Variants in PCDHGA5 observed in about 807,000 individuals in gnomAD.
PCDHGA5 encodes protocadherin gamma subfamily A, 5, also known as protocadherin gamma-A5.
PCDHGA5 carries 36 observed loss-of-function variants against 56.7 expected under a neutral mutation model. The observed-to-expected ratio is 0.64, with a 90% CI of 0.49 to 0.84. PCDHGA5 has a LOEUF of 0.84. Ranked by LOEUF, PCDHGA5 falls within the 40% of genes least tolerant of loss-of-function variation. The pLI is 0.00. For synonymous variants in PCDHGA5, 563 were observed against 520.2 expected (o/e 1.08, Z -1.12); for missense variants, 1,305 against 1,201.5 (o/e 1.09, Z -1.27).
chr5:141,507,504 C>T (rs1443873775), intron 3 of PCDHGA5, among the ~76,000 whole-genome samples: 1 of 152,138 alleles, frequency 6.6e-6, no homozygotes, highest in Admixed American at 6.5e-5. Flanking sequence ...TGTCCCAGGT[C>T]TGGTGGGGCT....
At chr5:141,464,680 A>G (rs747974832) in intron 1 of PCDHGA5, among the ~76,000 whole-genome samples, 3 of 152,144 alleles carry the variant, frequency 2.0e-5, no homozygotes, top group Non-Finnish European at 4.4e-5. Flanking sequence ...TTTTAATTAA[A>G]ATTTCTCTTA....
chr5:141,370,889 T>C, intron 1 of PCDHGA5: 4 of 1,614,040 alleles, frequency 2.5e-6, no homozygotes, highest in Non-Finnish European at 3.4e-6. Context: ...TAGGTGTCAA[T>C]TCGCTGCAGC....
chr5:141,471,112 G>A (rs1442344944), intron 1 of PCDHGA5, among the ~76,000 whole-genome samples: 3 of 147,914 alleles, frequency 2.0e-5, no homozygotes, highest in Non-Finnish European at 4.4e-5. Flanking sequence ...GCAGTGGTGC[G>A]ATCTTACCTT....
chr5:141,491,438 G>A lies in PCDHGA5; in HGVS notation c.2422-3369G>A, dbSNP rs376927300. The A allele has an allele frequency of 3.7e-6, 6 of 1,614,066 alleles. No homozygotes were observed. Among genetic ancestry groups the A allele is most frequent in the Admixed American group, 1.7e-5 (1 of 60,016 alleles). On this transcript the variant is annotated intron_variant, in intron 1 of 3. Coordinates refer to ENST00000518069, the MANE Select transcript of PCDHGA5 (RefSeq NM_018918.3). This position sits in a 1 kb window ranked among gnomAD's most constrained non-coding sequence, Gnocchi z 6.9. ...GGGGGTGGAGGGCAGTGCTGCAGGC[G>A]CCAGGACTCACCCTCCCCGGACTTC...
At chr5:141,376,200 C>A (rs1220789915) in intron 1 of PCDHGA5, 2 of 1,614,086 alleles carry the variant, frequency 1.2e-6, no homozygotes, top group Non-Finnish European at 1.7e-6. Context: ...GTCTTCCTGG[C>A]CTTCGTCATC....
At chr5:141,423,994 A>G (rs2096794168) in intron 1 of PCDHGA5, 17 of 1,081,216 alleles carry the variant, frequency 1.6e-5, no homozygotes, top group Non-Finnish European at 1.8e-5. Flanking sequence ...TCAATTTATT[A>G]TATATAGATA....
Position 141,485,955 on chromosome 5 carries a change from T to C in PCDHGA5, c.2422-8852T>C. 1 of 1,614,152 alleles carries C rather than the reference T, an allele frequency of 6.2e-7. No homozygotes were observed. Among genetic ancestry groups the C allele is most frequent in the Non-Finnish European group, 8.5e-7 (1 of 1,180,018 alleles). On this transcript the variant is annotated intron_variant, in intron 1 of 3. Transcript: ENST00000518069. This position sits in a 1 kb window ranked among gnomAD's most constrained non-coding sequence, Gnocchi z 5.7. ...GAGAGCGCACCAGCGGGCATGGTGC[T>C]CATCCAGCTCAATGCCTCAGACCCG...
At chr5:141,400,802 A>C in intron 1 of PCDHGA5, 1 of 557,534 alleles carries the variant, frequency 1.8e-6, no homozygotes, top group Non-Finnish European at 3.1e-6. Context: ...TCTCAAAGCT[A>C]ATGAATTTTA....
intron 1 of PCDHGA5, chr5:141,441,114 T>A (rs1239606502): frequency 6.6e-6 from 1 of 152,218 alleles, no homozygotes; most frequent in Non-Finnish European, 1.5e-5. Context: ...TTGTCCAGTG[T>A]ACAGTTGAGA....
chr5:141,410,785 G>T, intron 1 of PCDHGA5: 1 of 804,598 alleles, frequency 1.2e-6, no homozygotes, highest in Non-Finnish European at 1.8e-6. Context: ...TATGTATTTG[G>T]TTCATAAGTT....
rs1763915264 is a variant in PCDHGA5 at position 141,365,437 on chromosome 5, T to C, written c.1107T>C (p.Phe369=). Residue 369 remains phenylalanine, a synonymous_variant, in exon 1 of 4, where the codon TTT becomes TTC. Transcript: ENST00000518069. ...TTCCCGGAACTGTAATCGCGCTGTT[T>C]AGCGTACATGATGGTGATTCTGGAG... ...DCLPGTVIAL[F]SVHDGDSGEN... is the part of the protein sequence containing the mutation. 1 of 1,614,022 alleles carries C rather than the reference T, an allele frequency of 6.2e-7. No individual in the cohort carries two copies.
intron 1 of PCDHGA5, among the ~76,000 whole-genome samples, chr5:141,444,497 C>G (rs899746599): frequency 3.3e-5 from 5 of 152,026 alleles, no homozygotes; most frequent in African/African-American, 1.2e-4. Context: ...TTGTGTAATA[C>G]TTTGCTCTAG....
intron 1 of PCDHGA5, among the ~76,000 whole-genome samples, chr5:141,448,712 G>A (rs1439461223): frequency 1.3e-5 from 2 of 152,004 alleles, no homozygotes; most frequent in African/African-American, 2.4e-5. Flanking sequence ...AGGCCGAGGC[G>A]GGAGGATCAC....
chr5:141,443,317 CA>C (rs35054295), intron 1 of PCDHGA5, among the ~76,000 whole-genome samples: 28 of 142,048 alleles, frequency 2.0e-4, no homozygotes, highest in Non-Finnish European at 2.6e-4. Flanking sequence ...CCCATCTCTA[CA>C]AAAAAAAAAA....
At chr5:141,410,063 C>CTGCGCACTGGGGAGG (rs2095353294) in intron 1 of PCDHGA5, 2 of 1,612,972 alleles carry the variant, frequency 1.2e-6, no homozygotes, top group Non-Finnish European at 1.7e-6. Context: ...CAGCCTGGGG[C>CTGCGCACTGGGGAGG]TGCGCACTGG....
rs1386460009 is a variant in PCDHGA5 at position 141,390,018 on chromosome 5, C to T, written c.2421+23267C>T. On this transcript the variant is annotated intron_variant, in intron 1 of 3. Transcript: ENST00000518069. ...GGCCATGATTCTGGCCATTGCCTTG[C>T]GCCTGCGACGCTCCTCCAGCCCCGC... is the stretch of plus-strand genomic sequence containing the variant. The T allele has an allele frequency of 6.2e-7, 1 of 1,614,062 alleles. No individual in the cohort carries two copies. Among genetic ancestry groups the T allele is most frequent in the South Asian group, 1.1e-5 (1 of 91,078 alleles).
intron 3 of PCDHGA5, chr5:141,506,955 C>T (rs1387377785): frequency 2.6e-5 from 4 of 152,362 alleles, no homozygotes; most frequent in South Asian, 2.1e-4. Context: ...AATGAATCCT[C>T]TCAATAGCTC....
At chr5:141,426,665 T>A in intron 1 of PCDHGA5, 1 of 429,940 alleles carries the variant, frequency 2.3e-6, no homozygotes, top group South Asian at 1.6e-5. Context: ...ATATAAATGA[T>A]AACCCACCTC....
At chr5:141,499,244 CAA>C (rs1191956146) in intron 2 of PCDHGA5, among the ~76,000 whole-genome samples, 1 of 152,090 alleles carries the variant, frequency 6.6e-6, no homozygotes, top group Non-Finnish European at 1.5e-5. Flanking sequence ...AGCCTCTGCA[CAA>C]AGAGTCTCCA....
Sources: gnomAD v4.1 joint callset for allele counts (sites outside exome capture counted in the v4.1 genomes callset) on GRCh38, gnomAD v4.1.1 for gene constraint, Gnocchi (gnomAD v3.1) non-coding constraint, MANE v1.5 for transcripts, NCBI Gene and HGNC (gene_info 2026-07-23, HGNC 2026-07-21) for gene names.